The following CNTNAP2 variants were observed in gnomAD, a reference collection of about 807,000 sequenced individuals.
CNTNAP2 encodes the protein contactin associated protein 2.
CNTNAP2 carries 98 observed loss-of-function variants against 155.2 expected under a neutral mutation model. That is an observed-to-expected ratio of 0.63 (90% CI 0.54 to 0.75). The LOEUF (loss-of-function observed/expected upper bound fraction) is 0.75. CNTNAP2 is among the 30% of genes least tolerant of loss of function. CNTNAP2 has a pLI of 0.00. For synonymous variants in CNTNAP2, 651 were observed against 631.2 expected, an observed-to-expected ratio of 1.03 and a Z score of -0.47; for missense variants, 1,727 against 1,688.1, an observed-to-expected ratio of 1.02 and a Z score of -0.40.
intron 3 of CNTNAP2, among the ~76,000 whole-genome samples, chr7:146,928,445 G>A (rs899281093): frequency 8.6e-5 from 13 of 152,038 alleles, no homozygotes; most frequent in African/African-American, 1.7e-4. Context: ...TGTTCAATTC[G>A]GGACTCGCAG....
At chr7:147,120,079 A>G (rs1355919619) in intron 5 of CNTNAP2, among the ~76,000 whole-genome samples, 1 of 152,184 alleles carries the variant, frequency 6.6e-6, no homozygotes, top group African/African-American at 2.4e-5. Flanking sequence ...GAATGTTATC[A>G]TTTTAATTAA....
At chr7:146,864,092 TTCAG>T (rs1335980815) in intron 3 of CNTNAP2, among the ~76,000 whole-genome samples, 1 of 152,086 alleles carries the variant, frequency 6.6e-6, no homozygotes, top group African/African-American at 2.4e-5. Context: ...TATAATATCA[TTCAG>T]TGTTTTATTC....
At chr7:147,869,074 A>G (rs1017069665) in intron 13 of CNTNAP2, among the ~76,000 whole-genome samples, 2 of 152,128 alleles carry the variant, frequency 1.3e-5, no homozygotes, top group Non-Finnish European at 2.9e-5. Flanking sequence ...GGTGCTGCGG[A>G]CCAGAACTGT....
intron 15 of CNTNAP2, among the ~76,000 whole-genome samples, chr7:148,019,073 A>G (rs6947567): frequency 0.38 from 57,920 of 152,088 alleles, 11,780 homozygotes; most frequent in African/African-American, 0.53. Flanking sequence ...TGGTACAGTC[A>G]GCTATAGAGT....
intron 22 of CNTNAP2, among the ~76,000 whole-genome samples, chr7:148,407,703 TAAAAAAA>T (rs57666141): frequency 3.2e-5 from 3 of 93,126 alleles, no homozygotes; most frequent in Non-Finnish European, 4.5e-5. Flanking sequence ...GACCAAATCT[TAAAAAAA>T]AAAAAAAAAA....
chr7:147,457,946 C>T (rs1295898303), intron 10 of CNTNAP2, among the ~76,000 whole-genome samples: 1 of 152,078 alleles, frequency 6.6e-6, no homozygotes, highest in Non-Finnish European at 1.5e-5. Context: ...TGCCTGTTTC[C>T]AGCTCTTTCT....
At chr7:147,456,501 A>T (rs1482708442) in intron 10 of CNTNAP2, among the ~76,000 whole-genome samples, 1 of 152,192 alleles carries the variant, frequency 6.6e-6, no homozygotes, top group East Asian at 1.9e-4. Flanking sequence ...ATTCCAAATA[A>T]TAGTTTTTCA....
At chr7:146,888,463 C>A (rs1391408655) in intron 3 of CNTNAP2, among the ~76,000 whole-genome samples, 1 of 152,076 alleles carries the variant, frequency 6.6e-6, no homozygotes, top group East Asian at 1.9e-4. Flanking sequence ...GTAACTTCCA[C>A]ATCATGTGTT....
intron 9 of CNTNAP2, among the ~76,000 whole-genome samples, chr7:147,353,913 A>T (rs1047460210): frequency 1.3e-5 from 2 of 151,288 alleles, no homozygotes; most frequent in East Asian, 3.9e-4. Context: ...AGCTTTTTTC[A>T]TGTTTGTTGG....
chr7:147,922,420 C>G (rs961631668), intron 14 of CNTNAP2, among the ~76,000 whole-genome samples: 1 of 152,230 alleles, frequency 6.6e-6, no homozygotes, highest in Non-Finnish European at 1.5e-5. Context: ...CCAGGCTTCA[C>G]TCCCCCTCCT....
chr7:146,877,269 AGAG>A (rs1293081173), intron 3 of CNTNAP2, among the ~76,000 whole-genome samples: 2 of 152,228 alleles, frequency 1.3e-5, no homozygotes, highest in Admixed American at 1.3e-4. Flanking sequence ...TGGGAGGCTG[AGAG>A]GAGAAGATCA....
At chr7:146,567,718 T>G (rs748635741) in intron 1 of CNTNAP2, among the ~76,000 whole-genome samples, 13 of 152,116 alleles carry the variant, frequency 8.5e-5, no homozygotes, top group Non-Finnish European at 1.5e-4. Context: ...AGATATAATT[T>G]TAACTTAAAA....
chr7:148,256,062 T>C (rs1190953200), intron 20 of CNTNAP2, among the ~76,000 whole-genome samples: 1 of 152,178 alleles, frequency 6.6e-6, no homozygotes, highest in African/African-American at 2.4e-5. Flanking sequence ...TATGGCTGAA[T>C]GTCGGGAGCC....
intron 1 of CNTNAP2, among the ~76,000 whole-genome samples, chr7:146,271,791 A>G (rs1800086448): frequency 6.6e-6 from 1 of 152,122 alleles, no homozygotes; most frequent in Admixed American, 6.5e-5. Context: ...ATTAAAAACC[A>G]TGTTTATTCA....
chr7:147,385,669 C>G (rs746481491), intron 9 of CNTNAP2, among the ~76,000 whole-genome samples: 2 of 152,198 alleles, frequency 1.3e-5, no homozygotes, highest in Non-Finnish European at 2.9e-5. Flanking sequence ...GCCCCTGTGG[C>G]TTTGCAAGGT....
intron 12 of CNTNAP2, among the ~76,000 whole-genome samples, chr7:147,607,231 A>T (rs186937846): frequency 2.4e-4 from 36 of 148,074 alleles, no homozygotes; most frequent in Admixed American, 1.4e-3. Context: ...GTTCAGAGAA[A>T]GCCCCTCCCT....
intron 3 of CNTNAP2, among the ~76,000 whole-genome samples, chr7:146,887,729 G>T (rs557537132): frequency 1.2e-4 from 18 of 152,118 alleles, no homozygotes; most frequent in African/African-American, 4.1e-4. Context: ...ATAAACTCAG[G>T]CTGGCTTCCT....
At chr7:146,225,288 A>G (rs892362494) in intron 1 of CNTNAP2, among the ~76,000 whole-genome samples, 1 of 152,214 alleles carries the variant, frequency 6.6e-6, no homozygotes, top group Non-Finnish European at 1.5e-5. Context: ...AATAAAGACA[A>G]TCTAAGCTTC....
At chr7:147,977,014 C>T (rs1251843053) in intron 14 of CNTNAP2, among the ~76,000 whole-genome samples, 1 of 152,106 alleles carries the variant, frequency 6.6e-6, no homozygotes, top group Admixed American at 6.5e-5. Flanking sequence ...GCCACAGCAG[C>T]AGAAAAAGAG....
Sources: gnomAD v4.1 joint callset for allele counts (sites outside exome capture counted in the v4.1 genomes callset) on GRCh38, gnomAD v4.1.1 for gene constraint, MANE v1.5 for transcripts, NCBI Gene and HGNC (gene_info 2026-07-23, HGNC 2026-07-21) for gene names.